The following CUX2 variants were observed in gnomAD, a reference collection of about 807,000 sequenced individuals.
CUX2 encodes homeobox protein cut-like 2.
A neutral mutation model predicts 144.8 loss-of-function variants in CUX2; 40 were observed. The observed-to-expected ratio is 0.28, with a 90% CI of 0.21 to 0.36. The LOEUF (loss-of-function observed/expected upper bound fraction) is 0.36. Among genes scored for constraint, CUX2 ranks in the 10% least tolerant of loss-of-function variants. The pLI is 1.00. For synonymous variants in CUX2, 827 were observed against 875.6 expected (o/e 0.94, Z 0.98); for missense variants, 1,615 against 1,994.0 (o/e 0.81, Z 3.62).
Position 111,065,293 on chromosome 12 carries a change from G to A in CUX2, c.63+31053G>A, listed in dbSNP as rs567500504. Among the ~76,000 whole-genome samples the A allele has an allele frequency of 6.1e-3, 936 of 152,352 alleles. 5 individuals carry two copies. Among genetic ancestry groups the A allele is most frequent in the African/African-American group, 0.021 (879 of 41,582 alleles). ...GTGGGGCTGGATTTGACCCAGGGCCGATGGGATTTGGCCTACAGGTCACTG... is the reference window on the plus strand; with the variant it reads ...GTGGGGCTGGATTTGACCCAGGGCCAATGGGATTTGGCCTACAGGTCACTG... On this transcript the variant is annotated intron_variant, in intron 1 of 21. Coordinates refer to ENST00000261726, the MANE Select transcript of CUX2 (RefSeq NM_015267.4).
intron 1 of CUX2, among the ~76,000 whole-genome samples, chr12:111,205,103 C>T (rs1481876034): frequency 6.6e-6 from 1 of 152,144 alleles, no homozygotes; most frequent in Non-Finnish European, 1.5e-5. Context: ...CTCCCAGCCA[C>T]GGCTCAGTTA....
chr12:111,168,794 C>T (rs931862752), intron 1 of CUX2, among the ~76,000 whole-genome samples: 1 of 152,162 alleles, frequency 6.6e-6, no homozygotes, highest in African/African-American at 2.4e-5. Context: ...ATAAGAAACG[C>T]AAGTTGCTAA....
intron 1 of CUX2, among the ~76,000 whole-genome samples, chr12:111,134,885 C>A (rs1875757717): frequency 6.6e-6 from 1 of 152,234 alleles, no homozygotes; most frequent in South Asian, 2.1e-4. Flanking sequence ...GTTCCTACAG[C>A]TAGTTCAGTG....
intron 3 of CUX2, among the ~76,000 whole-genome samples, chr12:111,251,243 C>T (rs1883545567): frequency 6.6e-6 from 1 of 152,054 alleles, no homozygotes; most frequent in African/African-American, 2.4e-5. Context: ...ATGAGTGATT[C>T]CCCTTTGTTT....
At chr12:111,127,030 A>G (rs570537482) in intron 1 of CUX2, among the ~76,000 whole-genome samples, 1 of 152,392 alleles carries the variant, frequency 6.6e-6, no homozygotes, top group Admixed American at 6.5e-5. Context: ...AAGTACCGTA[A>G]TATAAAGTCA....
At chr12:111,075,147 C>A (rs1871459515) in intron 1 of CUX2, among the ~76,000 whole-genome samples, 1 of 151,830 alleles carries the variant, frequency 6.6e-6, no homozygotes, top group African/African-American at 2.4e-5. Flanking sequence ...GCCGCTCTCC[C>A]TGGCTCTGGA....
intron 1 of CUX2, among the ~76,000 whole-genome samples, chr12:111,098,482 G>A (rs978107555): frequency 9.2e-5 from 14 of 152,234 alleles, no homozygotes; most frequent in Non-Finnish European, 1.6e-4. Flanking sequence ...GGATTCCCGG[G>A]TACAGGCCAA....
chr12:111,302,899 TAAAAAAAA>T, intron 9 of CUX2, among the ~76,000 whole-genome samples: 1 of 109,466 alleles, frequency 9.1e-6, no homozygotes, highest in African/African-American at 3.1e-5. Context: ...GACTCTGTCT[TAAAAAAAA>T]AAAAAAAAAA....
At chr12:111,333,614 A>G (rs993569724) in intron 18 of CUX2, among the ~76,000 whole-genome samples, 2 of 152,140 alleles carry the variant, frequency 1.3e-5, no homozygotes, top group Non-Finnish European at 2.9e-5. Context: ...GGCTGGGAAT[A>G]TCACAGAAGT....
chr12:111,297,191 C>A, intron 8 of CUX2, among the ~76,000 whole-genome samples: 1 of 151,792 alleles, frequency 6.6e-6, no homozygotes, highest in East Asian at 1.9e-4. Context: ...CTCTCTCTGA[C>A]CCTCCCAAAC....
Position 111,304,489 on chromosome 12 carries a change from G to C in CUX2, c.858+175G>C, listed in dbSNP as rs780282846. On this transcript the variant is annotated intron_variant, in intron 10 of 21. Coordinates refer to ENST00000261726, the MANE Select transcript of CUX2 (RefSeq NM_015267.4). The surrounding 1 kb of genome is among the most constrained non-coding windows in gnomAD (Gnocchi z 4.7). ...TGCATACGGTGAGCATAATCACTAT[G>C]ACCTGCTACACCAGCTGAGGATAAA... Among the ~76,000 whole-genome samples, 5 of 152,170 alleles carry C rather than the reference G, an allele frequency of 3.3e-5. No homozygotes were observed. The highest frequency in any genetic ancestry group is 5.9e-5 in the Non-Finnish European group (4 of 68,022).
At chr12:111,191,210 G>A (rs1346500189) in intron 1 of CUX2, among the ~76,000 whole-genome samples, 1 of 152,190 alleles carries the variant, frequency 6.6e-6, no homozygotes, top group East Asian at 1.9e-4. Flanking sequence ...TGCAGAGGGG[G>A]TGAAATGAAG....
At chr12:111,311,878 A>C (rs1337243090) in intron 15 of CUX2, among the ~76,000 whole-genome samples, 1 of 152,152 alleles carries the variant, frequency 6.6e-6, no homozygotes, top group East Asian at 1.9e-4. Context: ...GATTACAGGC[A>C]TGAGCCACTG....
intron 1 of CUX2, among the ~76,000 whole-genome samples, chr12:111,135,833 G>A (rs561537466): frequency 6.6e-6 from 1 of 152,342 alleles, no homozygotes. Flanking sequence ...GGGGAAAGGA[G>A]AATGGGAAAC....
chr12:111,267,011 C>T (rs1884420283), intron 4 of CUX2, among the ~76,000 whole-genome samples: 1 of 152,050 alleles, frequency 6.6e-6, no homozygotes. Flanking sequence ...GCCTAGGCAA[C>T]ATGGAGAAAC....
At chr12:111,215,963 C>T (rs1881505260) in intron 2 of CUX2, among the ~76,000 whole-genome samples, 1 of 152,218 alleles carries the variant, frequency 6.6e-6, no homozygotes, top group Non-Finnish European at 1.5e-5. Flanking sequence ...CTATTATAGT[C>T]GTGCCTCTGA....
At chr12:111,153,655 A>G (rs1877200552) in intron 1 of CUX2, among the ~76,000 whole-genome samples, 1 of 152,214 alleles carries the variant, frequency 6.6e-6, no homozygotes, top group African/African-American at 2.4e-5. Context: ...TATGTGGTAC[A>G]TGACTATACC....
chr12:111,085,825 A>C (rs767616225), intron 1 of CUX2, among the ~76,000 whole-genome samples: 1 of 152,250 alleles, frequency 6.6e-6, no homozygotes. Flanking sequence ...TAAGTTCAGA[A>C]AGATCTCGTC....
chr12:111,233,305 C>T (rs939161828), intron 3 of CUX2, among the ~76,000 whole-genome samples: 26 of 152,230 alleles, frequency 1.7e-4, no homozygotes, highest in African/African-American at 5.8e-4. Flanking sequence ...CCTTGCAGAC[C>T]GCCTCTTAAA....
Sources: gnomAD v4.1 joint callset for allele counts (sites outside exome capture counted in the v4.1 genomes callset) on GRCh38, gnomAD v4.1.1 for gene constraint, Gnocchi (gnomAD v3.1) non-coding constraint, MANE v1.5 for transcripts, NCBI Gene and HGNC (gene_info 2026-07-23, HGNC 2026-07-21) for gene names.